The following SLC12A1 variants were observed in gnomAD, a reference collection of about 807,000 sequenced individuals.
SLC12A1 encodes solute carrier family 12 member 1.
SLC12A1 carries 89 observed loss-of-function variants against 130.4 expected under a neutral mutation model. The ratio of observed to expected loss-of-function variants is 0.68; its 90% CI spans 0.58 to 0.81. SLC12A1 has a LOEUF of 0.81. Among genes scored for constraint, SLC12A1 ranks in the 40% least tolerant of loss-of-function variants. The pLI is 0.00. For missense variants in SLC12A1, 1,310 were observed against 1,336.4 expected (o/e 0.98, Z 0.31); for synonymous variants, 499 against 460.0 (o/e 1.08, Z -1.09).
intron 12 of SLC12A1, 148 bp downstream of exon 12, chr15:48,247,164 C>A: frequency 1.1e-6 from 1 of 951,036 alleles, no homozygotes; most frequent in Non-Finnish European, 1.6e-6. Flanking sequence ...TCTATGTCTG[C>A]CACATAGTCA....
rs34389277 is a variant in SLC12A1 at position 48,279,739 on chromosome 15, C to A, written c.2485+5086C>A. Among the ~76,000 whole-genome samples the A allele has an allele frequency of 4.9e-3, 742 of 152,240 alleles. 8 individuals carry two copies. The highest frequency in any genetic ancestry group is 0.044 in the Middle Eastern group (13 of 294). On this transcript the variant is annotated intron_variant, in intron 20 of 26. Transcript: ENST00000380993. Reference sequence around the variant, plus strand: ...AATAAAGTGATGGAACATGATTTGCCATATATTGTGGTCAAGTATTCCATG... The same window carrying A: ...AATAAAGTGATGGAACATGATTTGCAATATATTGTGGTCAAGTATTCCATG...
At chr15:48,262,568 T>C (rs1409072459) in intron 17 of SLC12A1, among the ~76,000 whole-genome samples, 1 of 152,186 alleles carries the variant, frequency 6.6e-6, no homozygotes, top group African/African-American at 2.4e-5. Context: ...GCTTTTTTAC[T>C]ATTCAGCTTA....
At chr15:48,212,357 G>T (rs966184568) in intron 2 of SLC12A1, among the ~76,000 whole-genome samples, 2 of 151,882 alleles carry the variant, frequency 1.3e-5, no homozygotes, top group Non-Finnish European at 2.9e-5. Flanking sequence ...TAAATATCTG[G>T]ATTCCTATCA....
Position 48,291,856 on chromosome 15 carries a change from C to A in SLC12A1, c.2952C>A (p.Asn984Lys). The stretch of plus-strand genomic sequence containing the variant: ...TCGGTGACATCAACATTAGGCCAAA[C>A]AAAGAGAGGTATGAAATATTTAACA... ...HIIGDINIRP[N>K]KESWKVFEEM... is the part of the protein sequence containing the mutation. Residue 984 changes from asparagine (N) to lysine (K), a missense_variant, in exon 24 of 27, where the codon AAC (asparagine) becomes AAA (lysine). By Grantham distance (94) the Asn-to-Lys change is moderately conservative. Transcript: ENST00000380993. 1 of 1,554,098 alleles carries A rather than the reference C, an allele frequency of 6.4e-7. No individual in the cohort carries two copies. The highest frequency in any genetic ancestry group is 8.7e-7 in the Non-Finnish European group (1 of 1,142,882).
At chr15:48,219,818 C>T (rs1160734423) in intron 2 of SLC12A1, among the ~76,000 whole-genome samples, 2 of 151,884 alleles carry the variant, frequency 1.3e-5, no homozygotes, top group African/African-American at 2.4e-5. Flanking sequence ...TTTGGGAGGC[C>T]GAGGCAGGCG....
intron 24 of SLC12A1, among the ~76,000 whole-genome samples, chr15:48,293,415 T>A (rs2042141101): frequency 6.6e-6 from 1 of 152,256 alleles, no homozygotes; most frequent in Non-Finnish European, 1.5e-5. Flanking sequence ...TTTGATTTCA[T>A]GTGGAGTGGG....
At chr15:48,258,590 G>A (rs932644951) in intron 16 of SLC12A1, among the ~76,000 whole-genome samples, 14 of 151,940 alleles carry the variant, frequency 9.2e-5, no homozygotes, top group Non-Finnish European at 1.8e-4. Context: ...ACATTTTTCT[G>A]TCTTCTTCTG....
intron 25 of SLC12A1, among the ~76,000 whole-genome samples, chr15:48,299,561 C>T (rs1453619069): frequency 6.6e-6 from 1 of 152,184 alleles, no homozygotes; most frequent in Non-Finnish European, 1.5e-5. Flanking sequence ...GAGCAGGAGA[C>T]AGACTCATCA....
chr15:48,206,397 G>A (rs1238606355), intron 1 of SLC12A1, 67 bp downstream of exon 1: 1 of 152,176 alleles, frequency 6.6e-6, no homozygotes, highest in Non-Finnish European at 1.5e-5. Context: ...TAGATTCTGA[G>A]GAGTAGGTGA....
At chr15:48,301,511 G>GGGGGC in intron 26 of SLC12A1, 129 bp downstream of exon 26, 2 of 478,124 alleles carry the variant, frequency 4.2e-6, no homozygotes, top group East Asian at 5.5e-5. Context: ...TTGGGGGGGG[G>GGGGGC]AACACGTGGG....
Position 48,291,813 on chromosome 15 carries a change from T to C in SLC12A1, c.2909T>C (p.Phe970Ser), listed in dbSNP as rs2042124295. Reference sequence around the variant, plus strand: ...CTTCTGAGCAAATTTAGGATAAAATTTGCAGACATCCATATCATCGGTGAC... The same window carrying C: ...CTTCTGAGCAAATTTAGGATAAAATCTGCAGACATCCATATCATCGGTGAC... ...ASLLSKFRIK[F>S]ADIHIIGDIN... Residue 970 changes from phenylalanine to serine, a missense_variant, in exon 24 of 27, where the codon TTT (phenylalanine) becomes TCT (serine). Phe to Ser is a radical substitution (Grantham distance 155). Coordinates refer to ENST00000380993, the MANE Select transcript of SLC12A1 (RefSeq NM_000338.3). 6.4e-7 allele frequency: 1 copy of C among 1,571,066 alleles called. No homozygotes were observed. The highest frequency in any genetic ancestry group is 8.6e-7 in the Non-Finnish European group (1 of 1,156,528).
chr15:48,235,980 C>A (rs950821814), intron 9 of SLC12A1, among the ~76,000 whole-genome samples: 8 of 151,964 alleles, frequency 5.3e-5, no homozygotes, highest in Non-Finnish European at 1.2e-4. Context: ...CAAAGGAGGG[C>A]GGGAAATGTA....
intron 20 of SLC12A1, among the ~76,000 whole-genome samples, chr15:48,280,246 C>T (rs1743146761): frequency 6.6e-6 from 1 of 151,440 alleles, no homozygotes; most frequent in Admixed American, 6.6e-5. Context: ...AAAATAATCA[C>T]TCCAACTGGG....
intron 2 of SLC12A1, among the ~76,000 whole-genome samples, chr15:48,216,240 A>C (rs907604092): frequency 6.6e-6 from 1 of 152,228 alleles, no homozygotes; most frequent in African/African-American, 2.4e-5. Flanking sequence ...CTCATAGAAT[A>C]TTCTTTTTGC....
intron 16 of SLC12A1, among the ~76,000 whole-genome samples, chr15:48,257,765 TGA>T (rs2041724312): frequency 6.6e-6 from 1 of 152,168 alleles, no homozygotes; most frequent in Admixed American, 6.5e-5. Context: ...AGGCCTGTGA[TGA>T]GAGAGGCTGC....
intron 18 of SLC12A1, 90 bp from the exon 19 acceptor site, chr15:48,269,568 T>C (rs2141090132): frequency 1.5e-6 from 1 of 655,128 alleles, no homozygotes; most frequent in East Asian, 2.9e-5. Flanking sequence ...AGAACATTAC[T>C]TCAGTGCTCC....
In SLC12A1 at chr15:48,208,094, G is replaced by T; in HGVS notation, c.375G>T (p.Lys125Asn). The T allele has an allele frequency of 1.2e-6, 2 of 1,609,878 alleles. No individual in the cohort carries two copies. The highest frequency in any genetic ancestry group is 1.7e-6 in the Non-Finnish European group (2 of 1,177,292). Residue 125 changes from lysine (K) to asparagine (N), a missense_variant, in exon 2 of 27, where the codon AAG becomes AAT. By Grantham distance (94) the Lys-to-Asn change is moderately conservative (BLOSUM62 0). Coordinates refer to ENST00000380993, the MANE Select transcript of SLC12A1 (RefSeq NM_000338.3). Reference protein sequence around the residue: ...YRNTGSISGPKVNRPSLLEIH... With the variant: ...YRNTGSISGPNVNRPSLLEIH... ...ACACCGGCAGCATCAGTGGGCCCAA[G>T]GTCAACCGACCCAGCCTGCTTGAGA...
intron 19 of SLC12A1, among the ~76,000 whole-genome samples, chr15:48,273,763 A>G (rs1052562514): frequency 6.6e-6 from 1 of 152,198 alleles, no homozygotes; most frequent in Non-Finnish European, 1.5e-5. Flanking sequence ...AACCGTTTGC[A>G]TATGGTGGGA....
chr15:48,237,270 C>G (rs1380442508), intron 9 of SLC12A1: 1 of 482,606 alleles, frequency 2.1e-6, no homozygotes, highest in Non-Finnish European at 3.7e-6. Flanking sequence ...AAGAAAGATG[C>G]TGCTAATGAG....
Sources: allele counts gnomAD v4.1 joint callset (sites outside exome capture counted in the v4.1 genomes callset), GRCh38; gene constraint gnomAD v4.1.1; transcripts MANE v1.5; gene names NCBI Gene and HGNC (gene_info 2026-07-23, HGNC 2026-07-21).